ANKS1B: variants seen among roughly 807,000 people sequenced by gnomAD.
ANKS1B encodes ankyrin repeat and sterile alpha motif domain-containing protein 1B.
ANKS1B carries 36 observed loss-of-function variants against 148.3 expected under a neutral mutation model. The ratio of observed to expected loss-of-function variants is 0.24; its 90% CI spans 0.19 to 0.32. The LOEUF is 0.32. Among genes scored for constraint, ANKS1B ranks in the 10% least tolerant of loss-of-function variants. The pLI is 1.00. For synonymous variants in ANKS1B, 542 were observed against 560.8 expected, an observed-to-expected ratio of 0.97 and a Z score of 0.47; for missense variants, 1,157 against 1,542.6, an observed-to-expected ratio of 0.75 and a Z score of 4.19.
intron 16 of ANKS1B, among the ~76,000 whole-genome samples, chr12:99,073,729 G>T (rs1005303936): frequency 6.6e-6 from 1 of 152,138 alleles, no homozygotes; most frequent in Non-Finnish European, 1.5e-5. Context: ...AAGGAAGGCC[G>T]ATTTTATAAA....
chr12:98,893,666 C>T (rs2099757391), intron 17 of ANKS1B: 1 of 152,250 alleles, frequency 6.6e-6, no homozygotes, highest in Non-Finnish European at 1.5e-5. Flanking sequence ...GTTCCCGTGT[C>T]TCTAATCTAC....
intron 8 of ANKS1B, among the ~76,000 whole-genome samples, chr12:99,741,260 A>G: frequency 6.8e-6 from 1 of 147,564 alleles, no homozygotes; most frequent in Non-Finnish European, 1.5e-5. Context: ...GAAACAACAG[A>G]TGCTGGAGAG....
At chr12:99,536,593 T>C (rs1315130604) in intron 9 of ANKS1B, among the ~76,000 whole-genome samples, 6 of 152,130 alleles carry the variant, frequency 3.9e-5, no homozygotes, top group Admixed American at 3.3e-4. Context: ...AGACCTACTC[T>C]ATAAGAAATA....
At chr12:99,111,491 C>T (rs188460117) in intron 15 of ANKS1B, among the ~76,000 whole-genome samples, 163 of 151,884 alleles carry the variant, frequency 1.1e-3, no homozygotes, top group Admixed American at 5.0e-3. Flanking sequence ...CTGCACAAGC[C>T]TGAGAGAGAA....
chr12:99,889,440 C>T (rs750471127), intron 1 of ANKS1B, among the ~76,000 whole-genome samples: 1 of 152,122 alleles, frequency 6.6e-6, no homozygotes, highest in Non-Finnish European at 1.5e-5. Flanking sequence ...TCTTTTTTTG[C>T]ATATATGTCA....
intron 17 of ANKS1B, among the ~76,000 whole-genome samples, chr12:99,040,143 C>A (rs1307966497): frequency 6.6e-6 from 1 of 152,128 alleles, no homozygotes; most frequent in East Asian, 1.9e-4. Context: ...GTAGGTCTGG[C>A]CATGGGTCTT....
intron 15 of ANKS1B, among the ~76,000 whole-genome samples, chr12:99,095,025 C>T (rs1037455099): frequency 6.3e-5 from 5 of 79,050 alleles, no homozygotes; most frequent in African/African-American, 2.0e-4. Context: ...ATGGGTCTCA[C>T]TGGGGGGGGG....
chr12:99,029,441 GGAGGTTTACCT>G (rs1254506719), intron 17 of ANKS1B, among the ~76,000 whole-genome samples: 1 of 152,178 alleles, frequency 6.6e-6, no homozygotes, highest in Admixed American at 6.5e-5. Context: ...GCTGCAGGAT[GGAGGTTTACCT>G]GAGGTTACCT....
At chr12:99,712,366 T>C (rs2056757895) in intron 8 of ANKS1B, among the ~76,000 whole-genome samples, 1 of 152,246 alleles carries the variant, frequency 6.6e-6, no homozygotes, top group African/African-American at 2.4e-5. Flanking sequence ...ACATCACAAA[T>C]GGACCTATGA....
At chr12:99,309,649 A>G (rs556752113) in intron 12 of ANKS1B, among the ~76,000 whole-genome samples, 63 of 152,244 alleles carry the variant, frequency 4.1e-4, no homozygotes, top group African/African-American at 1.5e-3. Flanking sequence ...ATATAAAATA[A>G]AATATAAATA....
At chr12:99,570,582 G>T (rs1034031654) in intron 9 of ANKS1B, among the ~76,000 whole-genome samples, 1 of 150,878 alleles carries the variant, frequency 6.6e-6, no homozygotes, top group East Asian at 2.0e-4. Flanking sequence ...AGGAGGCGGG[G>T]TTTGCAGTGA....
intron 12 of ANKS1B, among the ~76,000 whole-genome samples, chr12:99,268,244 G>A (rs949592290): frequency 4.6e-5 from 7 of 152,278 alleles, no homozygotes; most frequent in South Asian, 2.1e-4. Flanking sequence ...TATAGACAGC[G>A]ATCTCAGTAT....
intron 1 of ANKS1B, among the ~76,000 whole-genome samples, chr12:99,943,776 T>C (rs919000151): frequency 2.6e-5 from 4 of 152,086 alleles, no homozygotes; most frequent in African/African-American, 7.2e-5. Flanking sequence ...ATATCACTGT[T>C]CATGGTTCTA....
chr12:99,781,786 G>A (rs536671837), intron 5 of ANKS1B, among the ~76,000 whole-genome samples: 94 of 152,236 alleles, frequency 6.2e-4, no homozygotes, highest in African/African-American at 2.2e-3. Flanking sequence ...GCATAAAATT[G>A]TAATAACAAA....
At chr12:99,860,117 G>A (rs753327857) in intron 1 of ANKS1B, among the ~76,000 whole-genome samples, 1 of 152,152 alleles carries the variant, frequency 6.6e-6, no homozygotes, top group Non-Finnish European at 1.5e-5. Flanking sequence ...GTTTAGGAGA[G>A]AGATGAAAAC....
intron 25 of ANKS1B, among the ~76,000 whole-genome samples, chr12:98,770,360 G>C (rs543220707): frequency 2.0e-5 from 3 of 152,212 alleles, no homozygotes; most frequent in Non-Finnish European, 4.4e-5. Flanking sequence ...ATGTGAACAG[G>C]ATGAAATTTG....
intron 1 of ANKS1B, among the ~76,000 whole-genome samples, chr12:99,863,571 C>G (rs561691903): frequency 6.6e-6 from 1 of 151,794 alleles, no homozygotes; most frequent in Admixed American, 6.6e-5. Flanking sequence ...AAAAATTAGC[C>G]GGGCGTGGTG....
At chr12:99,921,959 T>C (rs1423638849) in intron 1 of ANKS1B, among the ~76,000 whole-genome samples, 3 of 152,146 alleles carry the variant, frequency 2.0e-5, no homozygotes, top group African/African-American at 2.4e-5. Context: ...AATGGACATA[T>C]AATGGATAAC....
At chr12:99,969,758 T>C (rs1335747426) in intron 1 of ANKS1B, among the ~76,000 whole-genome samples, 1 of 152,222 alleles carries the variant, frequency 6.6e-6, no homozygotes, top group Non-Finnish European at 1.5e-5. Flanking sequence ...ACATAAGATA[T>C]GCATTGATCC....
Sources: gnomAD v4.1 joint callset for allele counts (sites outside exome capture counted in the v4.1 genomes callset) on GRCh38, gnomAD v4.1.1 for gene constraint, MANE v1.5 for transcripts, NCBI Gene and HGNC (gene_info 2026-07-23, HGNC 2026-07-21) for gene names.